The following PRDM5 variants were observed in gnomAD, a reference collection of about 807,000 sequenced individuals.
PRDM5 encodes the protein PR domain zinc finger protein 5.
A neutral mutation model predicts 81.2 loss-of-function variants in PRDM5; 56 were observed. The observed-to-expected ratio is 0.69, with a 90% CI of 0.56 to 0.86. PRDM5 has a LOEUF of 0.86. PRDM5 is among the 40% of genes least tolerant of loss of function. The pLI, the probability that PRDM5 is intolerant of heterozygous loss-of-function variation, is 0.00. For missense variants in PRDM5, 697 were observed against 770.1 expected, an observed-to-expected ratio of 0.91 and a Z score of 1.12; for synonymous variants, 267 against 256.4, an observed-to-expected ratio of 1.04 and a Z score of -0.39.
intron 8 of PRDM5, among the ~76,000 whole-genome samples, chr4:120,805,949 C>A (rs1292446250): frequency 6.6e-6 from 1 of 152,140 alleles, no homozygotes; most frequent in Non-Finnish European, 1.5e-5. Flanking sequence ...ATCTAGAAAA[C>A]CCCATCATCT....
rs70948365 is a variant in PRDM5 at position 120,872,150 on chromosome 4, CAAAAAAAA to C, written c.178-18618_178-18611del. Reference sequence around the variant, plus strand: ...TGGGCGACAGAGCAAGACTCCATCTCAAAAAAAAAAAAAAAAAAAAAAAACCTGTACAG... The same window carrying C: ...TGGGCGACAGAGCAAGACTCCATCTCAAAAAAAAAAAAAAAACCTGTACAG... On this transcript the variant is annotated intron_variant, in intron 2 of 15. Coordinates refer to ENST00000264808, the MANE Select transcript of PRDM5 (RefSeq NM_018699.4). 1.6e-3 allele frequency among the ~76,000 whole-genome samples: 69 copies of C among 41,840 alleles called. 3 individuals are homozygous for C. The highest frequency in any genetic ancestry group is 6.4e-3 in the African/African-American group (54 of 8,376). 27.4% of individuals were successfully genotyped at this position (41,840 alleles called of 152,430 possible).
At chr4:120,744,463 A>G (rs1168151026) in intron 14 of PRDM5, among the ~76,000 whole-genome samples, 1 of 152,070 alleles carries the variant, frequency 6.6e-6, no homozygotes, top group Non-Finnish European at 1.5e-5. Context: ...AGACACAAAA[A>G]ACCCTTCAAA....
chr4:120,701,038 T>C (rs975637089), intron 15 of PRDM5, among the ~76,000 whole-genome samples: 1 of 152,098 alleles, frequency 6.6e-6, no homozygotes, highest in Admixed American at 6.5e-5. Flanking sequence ...GACAGGAGAA[T>C]TGCTTGAACC....
chr4:120,807,265 G>C (rs192812350), intron 8 of PRDM5, among the ~76,000 whole-genome samples: 2 of 152,362 alleles, frequency 1.3e-5, no homozygotes, highest in African/African-American at 2.4e-5. Flanking sequence ...CTGTAAATTA[G>C]TTCAACCATT....
At chr4:120,703,001 T>C (rs1304561755) in intron 15 of PRDM5, among the ~76,000 whole-genome samples, 1 of 152,172 alleles carries the variant, frequency 6.6e-6, no homozygotes, top group African/African-American at 2.4e-5. Context: ...AGCCTTCTCT[T>C]TCCCCCATGC....
chr4:120,694,946 T>A lies in PRDM5; in HGVS notation c.*165A>T. 2 of 705,640 alleles carry A rather than the reference T, an allele frequency of 2.8e-6. No individual in the cohort carries two copies. The highest frequency in any genetic ancestry group is 5.7e-5 in the East Asian group (2 of 34,920). 43.7% of individuals were successfully genotyped at this position (705,640 alleles called of 1,614,324 possible). On this transcript the variant is annotated 3_prime_UTR_variant, in exon 16 of 16. Transcript: ENST00000264808. ...TACCATTTCTTGTTAAAAGTAAGAC[T>A]TTTTTTTGGTTGCATATGCATCTAC...
chr4:120,915,108 T>C (rs1222532605), intron 1 of PRDM5, among the ~76,000 whole-genome samples: 2 of 152,134 alleles, frequency 1.3e-5, no homozygotes, highest in African/African-American at 2.4e-5. Flanking sequence ...AATTCATCCA[T>C]GTAACCAAAA....
chr4:120,816,501 G>C lies in PRDM5; in HGVS notation c.817C>G (p.Leu273Val). 1.2e-6 allele frequency: 2 copies of C among 1,614,166 alleles called. No homozygotes were observed. The highest frequency in any genetic ancestry group is 2.2e-5 in the South Asian group (2 of 91,084). ...CTTTTCAGGGCATCCTTGCTCTTCAGCCTCTTTCCACAGCTGTCAGCCTTG... is the reference window on the plus strand; with the variant it reads ...CTTTTCAGGGCATCCTTGCTCTTCACCCTCTTTCCACAGCTGTCAGCCTTG... ...VCKADSCGKRLKSKDALKRHQ... is the reference protein window; with the variant it reads ...VCKADSCGKRVKSKDALKRHQ... The change falls in exon 7 of 16, where the codon CTG becomes GTG. Residue 273 changes from leucine (L) to valine (V), a missense_variant. Around this residue, in one of 3 missense-constraint regions of PRDM5, gnomAD observed 577 missense variants for 606.7 expected, o/e 0.95. Coordinates refer to ENST00000264808, the MANE Select transcript of PRDM5 (RefSeq NM_018699.4).
intron 2 of PRDM5, among the ~76,000 whole-genome samples, chr4:120,872,867 G>A (rs1226681063): frequency 2.6e-5 from 4 of 152,136 alleles, no homozygotes; most frequent in Non-Finnish European, 5.9e-5. Context: ...TAGAGTTTCC[G>A]ATCTGCAAGA....
At chr4:120,743,376 G>A (rs1486865343) in intron 14 of PRDM5, among the ~76,000 whole-genome samples, 3 of 151,104 alleles carry the variant, frequency 2.0e-5, no homozygotes, top group African/African-American at 4.9e-5. Context: ...ATCAACTAAC[G>A]AGCAAAATAA....
intron 13 of PRDM5, among the ~76,000 whole-genome samples, chr4:120,770,840 A>G (rs1255707892): frequency 1.3e-5 from 2 of 152,188 alleles, no homozygotes; most frequent in Non-Finnish European, 2.9e-5. Context: ...AAATATTTGT[A>G]TTATTCAAGA....
At chr4:120,750,718 A>ACACACACACG (rs1240938492) in intron 14 of PRDM5, among the ~76,000 whole-genome samples, 7 of 150,024 alleles carry the variant, frequency 4.7e-5, no homozygotes, top group Non-Finnish European at 8.9e-5. Context: ...ACACACACAC[A>ACACACACACG]CGCGCACACA....
At chr4:120,721,168 T>C (rs1738542011) in intron 14 of PRDM5, among the ~76,000 whole-genome samples, 1 of 152,224 alleles carries the variant, frequency 6.6e-6, no homozygotes, top group Non-Finnish European at 1.5e-5. Flanking sequence ...AGCCTTGTTT[T>C]CCTGGGGCTG....
At chr4:120,695,709 T>C (rs1268269339) in intron 15 of PRDM5, among the ~76,000 whole-genome samples, 6 of 152,296 alleles carry the variant, frequency 3.9e-5, no homozygotes, top group African/African-American at 1.4e-4. Flanking sequence ...ATATACACTT[T>C]GTTTAACTAA....
intron 10 of PRDM5, among the ~76,000 whole-genome samples, chr4:120,787,355 G>A (rs1293140244): frequency 4.6e-5 from 7 of 152,118 alleles, no homozygotes; most frequent in African/African-American, 1.4e-4. Flanking sequence ...AATCGTGTAC[G>A]GCCTGACTGG....
At chr4:120,826,754 AGT>A (rs1357924970) in intron 3 of PRDM5, among the ~76,000 whole-genome samples, 1 of 152,184 alleles carries the variant, frequency 6.6e-6, no homozygotes, top group East Asian at 1.9e-4. Context: ...TAGTGGAGGC[AGT>A]GGAAAGTAAT....
At chr4:120,724,667 G>GA (rs1560983189) in intron 14 of PRDM5, among the ~76,000 whole-genome samples, 2 of 152,140 alleles carry the variant, frequency 1.3e-5, no homozygotes, top group Non-Finnish European at 2.9e-5. Flanking sequence ...GTGTGCAGGA[G>GA]AAAGGAATTA....
chr4:120,875,492 T>C (rs1561569665), intron 2 of PRDM5, among the ~76,000 whole-genome samples: 1 of 152,222 alleles, frequency 6.6e-6, no homozygotes, highest in Non-Finnish European at 1.5e-5. Context: ...CATCAGTTCA[T>C]TTATGCCCTG....
intron 10 of PRDM5, among the ~76,000 whole-genome samples, chr4:120,795,427 C>T (rs1751204314): frequency 6.6e-6 from 1 of 151,910 alleles, no homozygotes; most frequent in African/African-American, 2.4e-5. Context: ...TTTAAAGAAT[C>T]GAAGTATATT....
Sources: allele counts gnomAD v4.1 joint callset (sites outside exome capture counted in the v4.1 genomes callset), GRCh38; gene constraint gnomAD v4.1.1; regional missense constraint gnomAD v4.1.1; transcripts MANE v1.5; gene names NCBI Gene and HGNC (gene_info 2026-07-23, HGNC 2026-07-21).